The following KCND2 variants were observed in gnomAD, a reference collection of about 807,000 sequenced individuals.
The protein encoded by KCND2 is A-type voltage-gated potassium channel KCND2.
A neutral mutation model predicts 54.4 loss-of-function variants in KCND2; 16 were observed. The ratio of observed to expected loss-of-function variants is 0.29; its 90% CI spans 0.20 to 0.45. The LOEUF (loss-of-function observed/expected upper bound fraction) is 0.45, where lower values mean the gene tolerates loss of function less well. Ranked by LOEUF, KCND2 falls within the 20% of genes least tolerant of loss-of-function variation. The probability of loss-of-function intolerance (pLI) is 1.00; values close to 1 mark genes in which losing one functional copy is unlikely to be tolerated. For missense variants in KCND2, 486 were observed against 824.2 expected (o/e 0.59, Z 5.02); for synonymous variants, 317 against 310.7 (o/e 1.02, Z -0.21).
At chr7:120,501,183 G>C (rs992312499) in intron 1 of KCND2, among the ~76,000 whole-genome samples, 2 of 152,136 alleles carry the variant, frequency 1.3e-5, no homozygotes, top group African/African-American at 4.8e-5. Context: ...ACAGACTCAC[G>C]GCACAGTAAT....
chr7:120,496,586 GGCT>G, intron 1 of KCND2, among the ~76,000 whole-genome samples: 1 of 131,350 alleles, frequency 7.6e-6, no homozygotes, highest in Middle Eastern at 3.5e-3. Context: ...CACCACGCCT[GGCT>G]GCTTTTTCGT....
At chr7:120,522,173 C>T (rs1791707400) in intron 1 of KCND2, among the ~76,000 whole-genome samples, 1 of 152,156 alleles carries the variant, frequency 6.6e-6, no homozygotes, top group Non-Finnish European at 1.5e-5. Context: ...CCATTTGTCC[C>T]TTTTGTCCTC....
At chr7:120,359,383 T>A (rs1800558202) in intron 1 of KCND2, among the ~76,000 whole-genome samples, 1 of 152,126 alleles carries the variant, frequency 6.6e-6, no homozygotes, top group Admixed American at 6.6e-5. Flanking sequence ...ATAGCATGAC[T>A]TGGACCACCA....
At chr7:120,565,748 T>C (rs1359481469) in intron 1 of KCND2, among the ~76,000 whole-genome samples, 1 of 152,234 alleles carries the variant, frequency 6.6e-6, no homozygotes, top group Non-Finnish European at 1.5e-5. Flanking sequence ...GAAGATATAA[T>C]TGAATATCCT....
intron 1 of KCND2, among the ~76,000 whole-genome samples, chr7:120,396,493 G>T (rs1457021315): frequency 6.6e-6 from 1 of 151,800 alleles, no homozygotes; most frequent in Non-Finnish European, 1.5e-5. Flanking sequence ...TTTATTCTTT[G>T]GTTTCTTTTT....
intron 1 of KCND2, among the ~76,000 whole-genome samples, chr7:120,384,886 A>G (rs1048299546): frequency 6.6e-6 from 1 of 152,070 alleles, no homozygotes; most frequent in African/African-American, 2.4e-5. Context: ...TTATGGAAAA[A>G]AGATTGAGTT....
chr7:120,338,432 A>C (rs138149520), intron 1 of KCND2, among the ~76,000 whole-genome samples: 1 of 151,986 alleles, frequency 6.6e-6, no homozygotes, highest in African/African-American at 2.4e-5. Flanking sequence ...TTTTATCTAA[A>C]TATCGTATGT....
At position 120,392,392 on chromosome 7, in the gene KCND2, A is replaced by G. The variant is rs1443659487; in HGVS notation, c.1115+116645A>G. On this transcript the variant is annotated intron_variant, in intron 1 of 5. Transcript: ENST00000331113. ...CTTTTTGTTTAGGATTGTCTTGGCT[A>G]TGCAGGCTCTTTTTGATTCCATATA... Among the ~76,000 whole-genome samples the G allele has an allele frequency of 2.7e-5, 4 of 149,856 alleles. No homozygotes were observed. The South Asian group carries it at 6.3e-4, about 23-fold the overall frequency.
chr7:120,545,630 T>C (rs1479936537), intron 1 of KCND2, among the ~76,000 whole-genome samples: 1 of 151,872 alleles, frequency 6.6e-6, no homozygotes, highest in East Asian at 1.9e-4. Context: ...ATTGATCTGA[T>C]TTAAATTCTA....
chr7:120,519,077 T>A (rs1584810810), intron 1 of KCND2, among the ~76,000 whole-genome samples: 1 of 151,976 alleles, frequency 6.6e-6, no homozygotes, highest in Non-Finnish European at 1.5e-5. Context: ...GCCTGTAATT[T>A]CAGCACTTTG....
At chr7:120,573,192 T>G (rs1349919417) in intron 1 of KCND2, among the ~76,000 whole-genome samples, 1 of 152,228 alleles carries the variant, frequency 6.6e-6, no homozygotes, top group African/African-American at 2.4e-5. Context: ...CAGTTAAAGT[T>G]GCACATAGGA....
At chr7:120,434,919 G>A (rs1801844516) in intron 1 of KCND2, among the ~76,000 whole-genome samples, 1 of 151,758 alleles carries the variant, frequency 6.6e-6, no homozygotes, top group East Asian at 1.9e-4. Context: ...GATGTCAGAG[G>A]ACACATTGTC....
At chr7:120,592,452 A>G (rs1792683860) in intron 1 of KCND2, among the ~76,000 whole-genome samples, 2 of 152,064 alleles carry the variant, frequency 1.3e-5, no homozygotes, top group African/African-American at 4.8e-5. Flanking sequence ...GCAGGAGAAT[A>G]GCTTGAACCC....
chr7:120,588,962 T>C (rs903146887), intron 1 of KCND2, among the ~76,000 whole-genome samples: 1 of 152,112 alleles, frequency 6.6e-6, no homozygotes, highest in South Asian at 2.1e-4. Context: ...CCAAAATTAC[T>C]CCTTACCATG....
intron 1 of KCND2, among the ~76,000 whole-genome samples, chr7:120,611,347 G>A (rs1347460778): frequency 1.3e-5 from 2 of 152,204 alleles, no homozygotes; most frequent in Non-Finnish European, 2.9e-5. Context: ...CTCAGGTGTT[G>A]GGACATGACC....
At chr7:120,464,619 C>T (rs1384254535) in intron 1 of KCND2, among the ~76,000 whole-genome samples, 2 of 152,160 alleles carry the variant, frequency 1.3e-5, no homozygotes, top group Non-Finnish European at 2.9e-5. Context: ...TCTCAGAAAG[C>T]TAACAAAAAT....
intron 1 of KCND2, among the ~76,000 whole-genome samples, chr7:120,311,282 G>A (rs1799732612): frequency 6.6e-6 from 1 of 151,988 alleles, no homozygotes; most frequent in African/African-American, 2.4e-5. Context: ...TTTTAAAGGA[G>A]GTATTTTGCA....
At chr7:120,484,888 A>T (rs1303403282) in intron 1 of KCND2, among the ~76,000 whole-genome samples, 1 of 151,980 alleles carries the variant, frequency 6.6e-6, no homozygotes, top group Non-Finnish European at 1.5e-5. Context: ...ATTTAATGTA[A>T]TTTTTTTAAG....
chr7:120,458,289 G>C (rs1386358287), intron 1 of KCND2, among the ~76,000 whole-genome samples: 1 of 152,164 alleles, frequency 6.6e-6, no homozygotes, highest in Non-Finnish European at 1.5e-5. Context: ...GAGACTTCCA[G>C]GTCACAGGTT....
Sources: gnomAD v4.1 joint callset for allele counts (sites outside exome capture counted in the v4.1 genomes callset) on GRCh38, gnomAD v4.1.1 for gene constraint, MANE v1.5 for transcripts, NCBI Gene and HGNC (gene_info 2026-07-23, HGNC 2026-07-21) for gene names.